Variants in ASAP1 observed in about 807,000 individuals in gnomAD.
The protein encoded by ASAP1 is arf-GAP with SH3 domain, ANK repeat and PH domain-containing protein 1.
Under a neutral mutation model 145.2 loss-of-function variants are expected in ASAP1, and 43 were observed. That is an observed-to-expected ratio of 0.30 (90% confidence interval 0.23 to 0.38). ASAP1 has a LOEUF of 0.38. Ranked by LOEUF, ASAP1 falls within the 10% of genes least tolerant of loss-of-function variation. ASAP1 has a pLI of 1.00. For missense variants in ASAP1, 1,018 were observed against 1,355.3 expected, an observed-to-expected ratio of 0.75 and a Z score of 3.91; for synonymous variants, 546 against 515.5, an observed-to-expected ratio of 1.06 and a Z score of -0.80.
At chr8:130,292,453 T>C (rs1202172092) in intron 3 of ASAP1, among the ~76,000 whole-genome samples, 3 of 152,202 alleles carry the variant, frequency 2.0e-5, no homozygotes, top group East Asian at 3.8e-4. Context: ...CAGGGGTCCT[T>C]TGAGTTGGGC....
chr8:130,125,229 A>T (rs930267109), intron 17 of ASAP1, among the ~76,000 whole-genome samples: 2 of 152,076 alleles, frequency 1.3e-5, no homozygotes, highest in Non-Finnish European at 2.9e-5. Flanking sequence ...CCAGGTGTTA[A>T]AATTATGCAA....
At chr8:130,090,990 G>A (rs920751462) in intron 25 of ASAP1, among the ~76,000 whole-genome samples, 5 of 152,202 alleles carry the variant, frequency 3.3e-5, no homozygotes, top group Non-Finnish European at 7.3e-5. Flanking sequence ...TGTCTGTCAC[G>A]GGCCAAGACC....
chr8:130,108,967 G>T (rs1477627928), intron 24 of ASAP1, among the ~76,000 whole-genome samples: 1 of 151,700 alleles, frequency 6.6e-6, no homozygotes, highest in African/African-American at 2.4e-5. Flanking sequence ...TAGAGACGGG[G>T]TTTCTCCATG....
At chr8:130,261,319 A>T (rs1280166236) in intron 3 of ASAP1, among the ~76,000 whole-genome samples, 1 of 152,228 alleles carries the variant, frequency 6.6e-6, no homozygotes, top group Non-Finnish European at 1.5e-5. Flanking sequence ...GCACCCAGAT[A>T]TGTAAGCCTC....
rs946060045 is a variant in ASAP1, at chr8:130,200,177, T to C, written c.406-11994A>G. Among the ~76,000 whole-genome samples the C allele has an allele frequency of 2.6e-5, 4 of 152,168 alleles. No homozygotes were observed. In the South Asian group the frequency reaches 6.2e-4, roughly 24 times the overall value. On this transcript the variant is annotated intron_variant, in intron 5 of 29. Transcript: ENST00000518721. Reference sequence around the variant, plus strand: ...GTAATGACAACCAGTAACTAAATAATATATAATCATGAGATGTGTAGAGAT... The same window carrying C: ...GTAATGACAACCAGTAACTAAATAACATATAATCATGAGATGTGTAGAGAT...
At chr8:130,288,866 A>C (rs1440911862) in intron 3 of ASAP1, among the ~76,000 whole-genome samples, 1 of 152,216 alleles carries the variant, frequency 6.6e-6, no homozygotes, top group African/African-American at 2.4e-5. Flanking sequence ...AATTCACAGA[A>C]TGAAACTGTG....
intron 25 of ASAP1, 29 bp from the exon 26 acceptor site, chr8:130,080,000 A>T: frequency 6.3e-7 from 1 of 1,580,056 alleles, no homozygotes; most frequent in Non-Finnish European, 8.7e-7. Flanking sequence ...GTGAAAAGGT[A>T]TGTCTTTAGA....
chr8:130,175,997 G>A (rs1813923701), intron 9 of ASAP1, among the ~76,000 whole-genome samples: 1 of 152,208 alleles, frequency 6.6e-6, no homozygotes, highest in African/African-American at 2.4e-5. Context: ...AAAGGAGCAG[G>A]TGAACTGGAG....
chr8:130,093,683 A>AAAAAAAAAAAAG (rs2097510801), intron 24 of ASAP1, among the ~76,000 whole-genome samples: 1 of 150,854 alleles, frequency 6.6e-6, no homozygotes, highest in Non-Finnish European at 1.5e-5. Flanking sequence ...AAAAAAAAAA[A>AAAAAAAAAAAAG]AAAAAAGAAA....
At chr8:130,127,747 A>C (rs538014396) in intron 16 of ASAP1, among the ~76,000 whole-genome samples, 180 bp downstream of exon 16, 1 of 152,158 alleles carries the variant, frequency 6.6e-6, no homozygotes, top group Non-Finnish European at 1.5e-5. Flanking sequence ...TTCCAGGTAG[A>C]GAAAACAGCA....
chr8:130,134,309 G>C lies in ASAP1; in HGVS notation c.1204C>G (p.Gln402Glu). 6.3e-7 allele frequency: 1 copy of C among 1,585,600 alleles called. No homozygotes were observed. Among genetic ancestry groups the C allele is most frequent in the Non-Finnish European group, 8.6e-7 (1 of 1,166,090 alleles). Residue 402 changes from glutamine to glutamate, a missense_variant, in exon 15 of 30, where the codon CAG becomes GAG. Physicochemically the swap from Gln to Glu is conservative, Grantham distance 29. Transcript: ENST00000518721. ...RTYHFQAEDE[Q>E]DYVAWISVLT... ...AAAACTACTTACGCTACATAATCCT[G>C]CTCATCTTCTGCCTGAAAGTGATAT...
chr8:130,424,177 T>A, intron 1 of ASAP1, among the ~76,000 whole-genome samples: 1 of 152,220 alleles, frequency 6.6e-6, no homozygotes, highest in East Asian at 1.9e-4. Context: ...TGAGCTGAGC[T>A]TGAAAATGGG....
At chr8:130,426,544 C>T (rs989910182) in intron 1 of ASAP1, among the ~76,000 whole-genome samples, 1 of 152,208 alleles carries the variant, frequency 6.6e-6, no homozygotes, top group Non-Finnish European at 1.5e-5. Context: ...CATCCCCACC[C>T]CATCAACCTT....
At chr8:130,259,393 A>G (rs1321276277) in intron 3 of ASAP1, among the ~76,000 whole-genome samples, 1 of 152,236 alleles carries the variant, frequency 6.6e-6, no homozygotes, top group African/African-American at 2.4e-5. Context: ...GGATGCTAAA[A>G]TGCTTAAAAT....
At chr8:130,389,229 A>G (rs1828162694) in intron 2 of ASAP1, among the ~76,000 whole-genome samples, 1 of 152,174 alleles carries the variant, frequency 6.6e-6, no homozygotes, top group Non-Finnish European at 1.5e-5. Flanking sequence ...TTTTGCAGAT[A>G]AGGAAACTTG....
At chr8:130,432,716 A>G (rs879557744) in intron 1 of ASAP1, among the ~76,000 whole-genome samples, 4 of 152,132 alleles carry the variant, frequency 2.6e-5, no homozygotes, top group Non-Finnish European at 4.4e-5. Context: ...ACGTCCCACA[A>G]AAGAAGAGGG....
intron 5 of ASAP1, among the ~76,000 whole-genome samples, chr8:130,199,777 GGA>G (rs1815748882): frequency 6.6e-6 from 1 of 152,100 alleles, no homozygotes; most frequent in African/African-American, 2.4e-5. Context: ...AGAACTATAG[GGA>G]GATGCTCAAA....
At chr8:130,283,692 A>C (rs1821412918) in intron 3 of ASAP1, among the ~76,000 whole-genome samples, 1 of 151,810 alleles carries the variant, frequency 6.6e-6, no homozygotes, top group Non-Finnish European at 1.5e-5. Flanking sequence ...GAATGGAAAG[A>C]GACTAACTTG....
At chr8:130,425,783 C>T (rs1436000059) in intron 1 of ASAP1, among the ~76,000 whole-genome samples, 1 of 152,180 alleles carries the variant, frequency 6.6e-6, no homozygotes, top group Non-Finnish European at 1.5e-5. Flanking sequence ...AGACACATTC[C>T]TGTTCTAAAG....
Sources: gnomAD v4.1 joint callset for allele counts (sites outside exome capture counted in the v4.1 genomes callset) on GRCh38, gnomAD v4.1.1 for gene constraint, MANE v1.5 for transcripts, NCBI Gene and HGNC (gene_info 2026-07-23, HGNC 2026-07-21) for gene names.